HSPA5: variants seen among roughly 807,000 people sequenced by gnomAD.
HSPA5 encodes endoplasmic reticulum chaperone BiP.
A neutral mutation model predicts 49.5 loss-of-function variants in HSPA5; 16 were observed. The observed-to-expected ratio is 0.32, with a 90% CI of 0.22 to 0.49. The LOEUF (loss-of-function observed/expected upper bound fraction) is 0.49, where lower values mean the gene tolerates loss of function less well. Among genes scored for constraint, HSPA5 ranks in the 20% least tolerant of loss-of-function variants. The probability of loss-of-function intolerance (pLI) is 0.99; values close to 1 mark genes in which losing one functional copy is unlikely to be tolerated. For synonymous variants in HSPA5, 271 were observed against 307.2 expected (o/e 0.88, Z 1.23); for missense variants, 376 against 819.0 (o/e 0.46, Z 6.60).
In HSPA5 at chr9:125,240,642, G is replaced by T. The variant is rs760673094; in HGVS notation, c.354+34C>A. On this transcript the variant is annotated intron_variant, in intron 2 of 7. Coordinates refer to ENST00000324460, the MANE Select transcript of HSPA5 (RefSeq NM_005347.5). This position sits in a 1 kb window ranked among gnomAD's most constrained non-coding sequence, Gnocchi z 4.4. ...CTCTAAATACTCCCACCACCCACCC[G>T]TTCTCTAACTGGATGAGAAAAACCC... 3 of 1,564,836 alleles carry T rather than the reference G, an allele frequency of 1.9e-6. No individual in the cohort carries two copies. Among genetic ancestry groups the T allele is most frequent in the East Asian group, 2.3e-5 (1 of 44,384 alleles).
In HSPA5 at chr9:125,239,550, T is replaced by A. The variant is rs1588431076; in HGVS notation, c.493-17A>T. 1 of 1,561,846 alleles carries A rather than the reference T, an allele frequency of 6.4e-7. No homozygotes were observed. On this transcript the variant is annotated splice_polypyrimidine_tract_variant and intron_variant, in intron 3 of 7. Transcript: ENST00000324460. This position sits in a 1 kb window ranked among gnomAD's most constrained non-coding sequence, Gnocchi z 5.5. ...ATGGGTAACCTAAAAGGATAAAAGA[T>A]AATTAAGTGTATTGTCACATAGTTT...
rs11432886 is a variant in HSPA5, at chr9:125,239,723, TAA to T, written c.493-192_493-191del. On this transcript the variant is annotated intron_variant, in intron 3 of 7. Coordinates refer to ENST00000324460, the MANE Select transcript of HSPA5 (RefSeq NM_005347.5). This position sits in a 1 kb window ranked among gnomAD's most constrained non-coding sequence, Gnocchi z 5.5. ...GAGAAACCCTGTCTCTACTGAAAAT[TAA>T]AAAAAAAAAAAAAAATTAGCCAGGT... Among the ~76,000 whole-genome samples, 29 of 136,824 alleles carry T rather than the reference TAA, an allele frequency of 2.1e-4. No individual in the cohort carries two copies. The highest frequency in any genetic ancestry group is 2.9e-4 in the Admixed American group (4 of 13,602). 89.8% of individuals were successfully genotyped at this position (136,824 alleles called of 152,430 possible). A position where few individuals can be genotyped will look rare whatever the true frequency, so the allele number is the denominator to read the frequency against.
At position 125,236,570 on chromosome 9, in the gene HSPA5, T is replaced by C; in HGVS notation, c.*22A>G. 1.3e-6 allele frequency: 2 copies of C among 1,506,530 alleles called. No homozygotes were observed. Among genetic ancestry groups the C allele is most frequent in the Admixed American group, 2.2e-5 (1 of 45,170 alleles). The allele number at this position is 1,506,530 out of a possible 1,614,324, so 93.3% of individuals were successfully genotyped here. On this transcript the variant is annotated 3_prime_UTR_variant, in exon 8 of 8. Transcript: ENST00000324460. ...TTCCTGAGTCCAGTATTTACAATAT[T>C]ACAGCACTAGCAGATCAGTGTCTAC...
Position 125,239,322 on chromosome 9 carries a change from A to C in HSPA5, c.615T>G (p.Ala205=), listed in dbSNP as rs760170029. The C allele has an allele frequency of 2.6e-5, 42 of 1,612,458 alleles. No homozygotes were observed. In the Middle Eastern group the frequency reaches 1.3e-3, roughly 51 times the overall value. ...TCTTATCCAGGCCATAAGCAATAGC[A>C]GCTGCCGTACTATTAGATTGAAAAA... The part of the protein sequence containing the change: ...VMRIINEPTA[A]AIAYGLDKRE... The change falls in exon 5 of 8, where the codon GCT becomes GCG. Residue 205 remains alanine (A), a synonymous_variant. Transcript: ENST00000324460. The surrounding 1 kb of genome is among the most constrained non-coding windows in gnomAD (Gnocchi z 5.5).
rs571451093 is a variant in HSPA5, at chr9:125,239,583, A to G, written c.493-50T>C. The G allele has an allele frequency of 1.2e-5, 17 of 1,456,450 alleles. No individual in the cohort carries two copies. The African/African-American group carries it at 1.4e-4, about 12-fold the overall frequency. 90.2% of individuals were successfully genotyped at this position (1,456,450 alleles called of 1,614,324 possible). A position where few individuals can be genotyped will look rare whatever the true frequency, so the allele number is the denominator to read the frequency against. ...TGTATTGTCACATAGTTTAACCCTTATTTAAATTACAGTCTGGCCAGGCGG... is the reference window on the plus strand; with the variant it reads ...TGTATTGTCACATAGTTTAACCCTTGTTTAAATTACAGTCTGGCCAGGCGG... On this transcript the variant is annotated intron_variant, in intron 3 of 7. Coordinates refer to ENST00000324460, the MANE Select transcript of HSPA5 (RefSeq NM_005347.5). The surrounding 1 kb of genome is among the most constrained non-coding windows in gnomAD (Gnocchi z 5.5).
chr9:125,240,380 T>TCCC lies in HSPA5; in HGVS notation c.355-74_355-72dup. On this transcript the variant is annotated intron_variant, in intron 2 of 7. Coordinates refer to ENST00000324460, the MANE Select transcript of HSPA5 (RefSeq NM_005347.5). This position sits in a 1 kb window ranked among gnomAD's most constrained non-coding sequence, Gnocchi z 4.4. Reference sequence around the variant, plus strand: ...TCAAAGTTTAAAAGACCCACTACCATCCCCACAATTTGGTTTATTTTGGTC... The same window carrying TCCC: ...TCAAAGTTTAAAAGACCCACTACCATCCCCCCCACAATTTGGTTTATTTTGGTC... 1 of 1,386,304 alleles carries TCCC rather than the reference T, an allele frequency of 7.2e-7. No individual in the cohort carries two copies. Among genetic ancestry groups the TCCC allele is most frequent in the Non-Finnish European group, 9.9e-7 (1 of 1,005,152 alleles). 85.9% of individuals were successfully genotyped at this position (1,386,304 alleles called of 1,614,324 possible).
In HSPA5 at chr9:125,240,139, A is replaced by G; in HGVS notation, c.492+33T>C. ...AGCCAACCGAGAATACTAATGATCA[A>G]AAAATACTTAACATTGTTCTAGAAA... is the stretch of plus-strand genomic sequence containing the variant. On this transcript the variant is annotated intron_variant, in intron 3 of 7. Transcript: ENST00000324460. This position sits in a 1 kb window ranked among gnomAD's most constrained non-coding sequence, Gnocchi z 4.4. The G allele has an allele frequency of 1.3e-6, 2 of 1,558,338 alleles. No individual in the cohort carries two copies. The highest frequency in any genetic ancestry group is 8.7e-7 in the Non-Finnish European group (1 of 1,150,084).
At position 125,240,962 on chromosome 9, in the gene HSPA5, A is replaced by C; in HGVS notation, c.122+43T>G. 6.2e-7 allele frequency: 1 copy of C among 1,611,416 alleles called. No homozygotes were observed. Among genetic ancestry groups the C allele is most frequent in the Non-Finnish European group, 8.5e-7 (1 of 1,178,108 alleles). On this transcript the variant is annotated intron_variant, in intron 1 of 7. Coordinates refer to ENST00000324460, the MANE Select transcript of HSPA5 (RefSeq NM_005347.5). The surrounding 1 kb of genome is among the most constrained non-coding windows in gnomAD (Gnocchi z 4.4). ...AGCACCGCACTTCTCACGCCAGGCC[A>C]GGCGGCCACGCCCCGTCCCCCTGCA...
Position 125,239,490 on chromosome 9 carries a change from G to A in HSPA5, c.536C>T (p.Ala179Val). The A allele has an allele frequency of 6.2e-7, 1 of 1,614,072 alleles. No homozygotes were observed. Among genetic ancestry groups the A allele is most frequent in the Non-Finnish European group, 8.5e-7 (1 of 1,179,978 alleles). ...AGCGTCTTTGGTTGCTTGGCGTTGG[G>A]CATCATTAAAATAGGCTGGTACAGT... ...VVTVPAYFND[A>V]QRQATKDAGT... is the part of the protein sequence containing the mutation. The change falls in exon 4 of 8, where the codon GCC (alanine) becomes GTC (valine). Residue 179 changes from alanine (A) to valine (V), a missense_variant. Ala to Val is a moderately conservative substitution (Grantham distance 64, BLOSUM62 0). Coordinates refer to ENST00000324460, the MANE Select transcript of HSPA5 (RefSeq NM_005347.5). The surrounding 1 kb of genome is among the most constrained non-coding windows in gnomAD (Gnocchi z 5.5).
At position 125,240,991 on chromosome 9, in the gene HSPA5, G is replaced by T. The variant is rs1257901103; in HGVS notation, c.122+14C>A. 1.2e-6 allele frequency: 2 copies of T among 1,611,698 alleles called. No individual in the cohort carries two copies. The highest frequency in any genetic ancestry group is 1.3e-5 in the African/African-American group (1 of 74,922). On this transcript the variant is annotated intron_variant, in intron 1 of 7. Transcript: ENST00000324460. The surrounding 1 kb of genome is among the most constrained non-coding windows in gnomAD (Gnocchi z 4.4). ...GGCCACGCCCCGTCCCCCTGCATCC[G>T]CAACCCCACTTACCAGGAGTAGGTG...
At position 125,239,048 on chromosome 9, in the gene HSPA5, G is replaced by A. The variant is rs764555947; in HGVS notation, c.889C>T (p.Arg297Trp). The change falls in exon 5 of 8, where the codon CGG (arginine) becomes TGG (tryptophan). Residue 297 changes from arginine (R) to tryptophan (W), a missense_variant. By Grantham distance (101) the Arg-to-Trp change is moderately radical. Around this residue, in one of 8 missense-constraint regions of HSPA5, gnomAD observed 89 missense variants for 155.9 expected, o/e 0.57. Coordinates refer to ENST00000324460, the MANE Select transcript of HSPA5 (RefSeq NM_005347.5). The surrounding 1 kb of genome is among the most constrained non-coding windows in gnomAD (Gnocchi z 5.5). ...KLRREVEKAK[R>W]ALSSQHQARI... ...GCTTGATGCTGAGAAGACAGGGCCC[G>A]TTTGGCCTTTTCTACCTCGCGCCGG... 2 of 1,614,126 alleles carry A rather than the reference G, an allele frequency of 1.2e-6. No homozygotes were observed. The highest frequency in any genetic ancestry group is 1.1e-5 in the South Asian group (1 of 91,078).
Position 125,238,842 on chromosome 9 carries a change from T to C in HSPA5, c.997-15A>G, listed in dbSNP as rs747246754. 1.9e-6 allele frequency: 3 copies of C among 1,612,278 alleles called. No individual in the cohort carries two copies. The highest frequency in any genetic ancestry group is 1.1e-5 in the South Asian group (1 of 91,042). ...CGGAACAGATCCTAGAAAAAAGACA[T>C]GGTTACTGTGATGTCTGTTATCTAA... is the stretch of plus-strand genomic sequence containing the variant. On this transcript the variant is annotated splice_polypyrimidine_tract_variant and intron_variant, in intron 5 of 7. Coordinates refer to ENST00000324460, the MANE Select transcript of HSPA5 (RefSeq NM_005347.5).
chr9:125,240,915 A>G lies in HSPA5; in HGVS notation c.123-8T>C. On this transcript the variant is annotated splice_region_variant and splice_polypyrimidine_tract_variant and intron_variant, in intron 1 of 7. Coordinates refer to ENST00000324460, the MANE Select transcript of HSPA5 (RefSeq NM_005347.5). The surrounding 1 kb of genome is among the most constrained non-coding windows in gnomAD (Gnocchi z 4.4). ...TTCTTGAACACGCCGACGCTGGCAGAAAAACCCGACAGAGGGACATCAGCA... is the reference window on the plus strand; with the variant it reads ...TTCTTGAACACGCCGACGCTGGCAGGAAAACCCGACAGAGGGACATCAGCA... 6.2e-6 allele frequency: 10 copies of G among 1,613,766 alleles called. No individual in the cohort carries two copies. The highest frequency in any genetic ancestry group is 4.5e-5 in the East Asian group (2 of 44,870).
At position 125,241,294 on chromosome 9, in the gene HSPA5, C is replaced by A; in HGVS notation, c.-168G>T. ...GGCCGCGGCGCTTCCCTCTCACACTCGCGAAACACCCCAATAGGTCAATCT... is the reference window on the plus strand; with the variant it reads ...GGCCGCGGCGCTTCCCTCTCACACTAGCGAAACACCCCAATAGGTCAATCT... On this transcript the variant is annotated 5_prime_UTR_variant, in exon 1 of 8. Coordinates refer to ENST00000324460, the MANE Select transcript of HSPA5 (RefSeq NM_005347.5). 1 of 707,810 alleles carries A rather than the reference C, an allele frequency of 1.4e-6. No individual in the cohort carries two copies. The highest frequency in any genetic ancestry group is 2.3e-6 in the Non-Finnish European group (1 of 432,196). The allele number at this position is 707,810 out of a possible 1,614,324, so 43.8% of individuals were successfully genotyped here.
Position 125,241,297 on chromosome 9 carries a change from G to T in HSPA5, c.-171C>A. On this transcript the variant is annotated 5_prime_UTR_variant, in exon 1 of 8. Coordinates refer to ENST00000324460, the MANE Select transcript of HSPA5 (RefSeq NM_005347.5). ...CGCGGCGCTTCCCTCTCACACTCGC[G>T]AAACACCCCAATAGGTCAATCTGTC... The T allele has an allele frequency of 2.8e-6, 2 of 704,996 alleles. No homozygotes were observed. Among genetic ancestry groups the T allele is most frequent in the South Asian group, 1.8e-5 (1 of 54,268 alleles). 43.7% of individuals were successfully genotyped at this position (704,996 alleles called of 1,614,324 possible).
rs1832562677 is a variant in HSPA5 at position 125,241,276 on chromosome 9, G to A, written c.-150C>T. The stretch of plus-strand genomic sequence containing the variant: ...GGCAGGTCTAGAAATACAGGCCGCG[G>A]CGCTTCCCTCTCACACTCGCGAAAC... On this transcript the variant is annotated 5_prime_UTR_variant, in exon 1 of 8. Transcript: ENST00000324460. The A allele has an allele frequency of 1.2e-6, 1 of 865,200 alleles. No homozygotes were observed. The highest frequency in any genetic ancestry group is 1.8e-6 in the Non-Finnish European group (1 of 569,310). The allele number at this position is 865,200 out of a possible 1,614,324, so 53.6% of individuals were successfully genotyped here.
chr9:125,237,822 T>C (rs973524594), intron 7 of HSPA5, among the ~76,000 whole-genome samples: 2 of 152,062 alleles, frequency 1.3e-5, no homozygotes, highest in African/African-American at 4.8e-5. Context: ...GATAGATAGA[T>C]CTGGCGTGGT....
chr9:125,236,500 A>ATT lies in HSPA5; in HGVS notation c.*90_*91dup. Reference sequence around the variant, plus strand: ...ACTCCACTCTGAGGTGAAGATTCCAATTACATTCGAGACTTAAGTTCTTTC... The same window carrying ATT: ...ACTCCACTCTGAGGTGAAGATTCCAATTTTACATTCGAGACTTAAGTTCTTTC... On this transcript the variant is annotated 3_prime_UTR_variant, in exon 8 of 8. Transcript: ENST00000324460. The ATT allele has an allele frequency of 1.1e-6, 1 of 910,592 alleles. No homozygotes were observed. The highest frequency in any genetic ancestry group is 2.5e-5 in the East Asian group (1 of 39,330). The allele number at this position is 910,592 out of a possible 1,614,324, so 56.4% of individuals were successfully genotyped here. A position where few individuals can be genotyped will look rare whatever the true frequency, so the allele number is the denominator to read the frequency against.
At position 125,239,510 on chromosome 9, in the gene HSPA5, T is replaced by C. The variant is rs1191190315; in HGVS notation, c.516A>G (p.Val172=). The part of the protein sequence containing the change: ...GKKVTHAVVT[V]PAYFNDAQRQ... ...GTTGGGCATCATTAAAATAGGCTGGTACAGTAACAACTGCATGGGTAACCT... is the reference window on the plus strand; with the variant it reads ...GTTGGGCATCATTAAAATAGGCTGGCACAGTAACAACTGCATGGGTAACCT... Residue 172 remains valine, a synonymous_variant, in exon 4 of 8, where the codon GTA becomes GTG. Transcript: ENST00000324460. This position sits in a 1 kb window ranked among gnomAD's most constrained non-coding sequence, Gnocchi z 5.5. 30 of 1,613,452 alleles carry C rather than the reference T, an allele frequency of 1.9e-5. No individual in the cohort carries two copies. Among genetic ancestry groups the C allele is most frequent in the Non-Finnish European group, 2.5e-5 (29 of 1,179,538 alleles).
Sources: allele counts gnomAD v4.1 joint callset (sites outside exome capture counted in the v4.1 genomes callset), GRCh38; gene constraint gnomAD v4.1.1; regional missense constraint gnomAD v4.1.1; non-coding constraint Gnocchi (gnomAD v3.1); transcripts MANE v1.5; gene names NCBI Gene and HGNC (gene_info 2026-07-23, HGNC 2026-07-21).